Variants in LRRC8A observed in about 807,000 individuals in gnomAD.
The protein encoded by LRRC8A is volume-regulated anion channel subunit LRRC8A.
In LRRC8A, 24 loss-of-function variants were observed where a neutral mutation model predicts 52.5. That is an observed-to-expected ratio of 0.46 (90% CI 0.33 to 0.64). LRRC8A has a LOEUF of 0.64. Among genes scored for constraint, LRRC8A ranks in the 30% least tolerant of loss-of-function variants. The probability of loss-of-function intolerance (pLI) is 0.02; values close to 1 mark genes in which losing one functional copy is unlikely to be tolerated. For missense variants in LRRC8A, 677 were observed against 1,094.7 expected, an observed-to-expected ratio of 0.62 and a Z score of 5.38; for synonymous variants, 492 against 494.2, an observed-to-expected ratio of 1.00 and a Z score of 0.06.
chr9:128,915,628 G>C (rs562729742), intron 3 of LRRC8A, among the ~76,000 whole-genome samples: 1 of 152,180 alleles, frequency 6.6e-6, no homozygotes, highest in African/African-American at 2.4e-5. Context: ...CCCGGCCTAG[G>C]GGGTGGATTT....
intron 1 of LRRC8A, among the ~76,000 whole-genome samples, chr9:128,883,648 C>T (rs927438749): frequency 5.9e-5 from 9 of 152,144 alleles, no homozygotes; most frequent in Admixed American, 2.0e-4. Flanking sequence ...GGGTCTGATG[C>T]CCTCTGCGTT....
chr9:128,916,628 G>T lies in LRRC8A; in HGVS notation c.*257G>T. 1 of 485,992 alleles carries T rather than the reference G, an allele frequency of 2.1e-6. No homozygotes were observed. The highest frequency in any genetic ancestry group is 3.7e-6 in the Non-Finnish European group (1 of 272,036). 30.1% of individuals were successfully genotyped at this position (485,992 alleles called of 1,614,324 possible). A position where few individuals can be genotyped will look rare whatever the true frequency, so the allele number is the denominator to read the frequency against. On this transcript the variant is annotated 3_prime_UTR_variant, in exon 4 of 4. Coordinates refer to ENST00000372600, the MANE Select transcript of LRRC8A (RefSeq NM_019594.4). The surrounding 1 kb of genome is among the most constrained non-coding windows in gnomAD (Gnocchi z 6.1). Reference sequence around the variant, plus strand: ...GCAAGTCTCAAGAGCGCAGTATTTGGATAATCAGGGTCTCCTCCCTGGAGG... The same window carrying T: ...GCAAGTCTCAAGAGCGCAGTATTTGTATAATCAGGGTCTCCTCCCTGGAGG...
chr9:128,889,560 A>G (rs538842694), intron 2 of LRRC8A, among the ~76,000 whole-genome samples: 9 of 151,952 alleles, frequency 5.9e-5, no homozygotes, highest in East Asian at 5.8e-4. Context: ...CAGTGGCACA[A>G]TCTTGCTCAC....
At position 128,911,675 on chromosome 9, in the gene LRRC8A, C is replaced by T. The variant is rs1840539447; in HGVS notation, c.2157+2354C>T. 6.6e-6 allele frequency among the ~76,000 whole-genome samples: 1 copy of T among 152,054 alleles called. No individual in the cohort carries two copies. The highest frequency in any genetic ancestry group is 6.6e-5 in the Admixed American group (1 of 15,266). The stretch of plus-strand genomic sequence containing the variant: ...CCCCAGCTCCTCCCGCCAAGCTTGC[C>T]TGTTAGTGTCATGCCTGCTGGCTGA... On this transcript the variant is annotated intron_variant, in intron 3 of 3. Transcript: ENST00000372600. The surrounding 1 kb of genome is among the most constrained non-coding windows in gnomAD (Gnocchi z 4.9).
At position 128,917,287 on chromosome 9, in the gene LRRC8A, T is replaced by C. The variant is rs529100877; in HGVS notation, c.*916T>C. ...TTGGTCCAGGAGTTCTATTTGTTCC[T>C]GGGGAGGGAGGTTTTTTTGTTTGTT... is the stretch of plus-strand genomic sequence containing the variant. On this transcript the variant is annotated 3_prime_UTR_variant, in exon 4 of 4. Transcript: ENST00000372600. 3.3e-5 allele frequency: 5 copies of C among 152,598 alleles called. No homozygotes were observed. Among genetic ancestry groups the C allele is most frequent in the Admixed American group, 3.3e-4 (5 of 15,284 alleles). 9.5% of individuals were successfully genotyped at this position (152,598 alleles called of 1,614,324 possible). A position where few individuals can be genotyped will look rare whatever the true frequency, so the allele number is the denominator to read the frequency against.
At chr9:128,885,872 A>C (rs922625503) in intron 1 of LRRC8A, 143 bp from the exon 2 acceptor site, 1 of 152,174 alleles carries the variant, frequency 6.6e-6, no homozygotes, top group Admixed American at 6.5e-5. Context: ...TTGCACCACT[A>C]TACAAAAAAA....
At chr9:128,884,393 A>G (rs1839305309) in intron 1 of LRRC8A, among the ~76,000 whole-genome samples, 1 of 151,716 alleles carries the variant, frequency 6.6e-6, no homozygotes, top group Non-Finnish European at 1.5e-5. Flanking sequence ...CCATGCCTTG[A>G]CTCATTCATT....
At chr9:128,906,894 C>T (rs947745142) in intron 2 of LRRC8A, among the ~76,000 whole-genome samples, 2 of 152,228 alleles carry the variant, frequency 1.3e-5, no homozygotes, top group Non-Finnish European at 2.9e-5. Flanking sequence ...TGTCTAATCT[C>T]ACTGTGCTCA....
intron 2 of LRRC8A, among the ~76,000 whole-genome samples, chr9:128,888,224 A>T (rs770692165): frequency 2.4e-4 from 36 of 152,128 alleles, no homozygotes; most frequent in Admixed American, 6.5e-4. Context: ...CCTGAGCTGT[A>T]GTCTTTCATG....
chr9:128,898,260 G>A (rs973959223), intron 2 of LRRC8A, among the ~76,000 whole-genome samples: 2 of 151,932 alleles, frequency 1.3e-5, no homozygotes, highest in African/African-American at 2.4e-5. Flanking sequence ...TTGCTCTGTC[G>A]CCCAGGCTGG....
At chr9:128,913,692 G>A (rs990304220) in intron 3 of LRRC8A, among the ~76,000 whole-genome samples, 18 of 152,178 alleles carry the variant, frequency 1.2e-4, no homozygotes, top group African/African-American at 4.3e-4. Context: ...CTTTCCCACT[G>A]TCCCTGACCA....
Position 128,892,671 on chromosome 9 carries a change from G to A in LRRC8A, c.-9+6550G>A, listed in dbSNP as rs1389456313. Among the ~76,000 whole-genome samples the A allele has an allele frequency of 6.6e-6, 1 of 152,216 alleles. No homozygotes were observed. Among genetic ancestry groups the A allele is most frequent in the African/African-American group, 2.4e-5 (1 of 41,456 alleles). On this transcript the variant is annotated intron_variant, in intron 2 of 3. Coordinates refer to ENST00000372600, the MANE Select transcript of LRRC8A (RefSeq NM_019594.4). This position sits in a 1 kb window ranked among gnomAD's most constrained non-coding sequence, Gnocchi z 5.2. ...GAGGCTGTGTGTGCCAGACGAGGCT[G>A]AGACCTCTCCTCCCACTCTGGCTCT...
chr9:128,894,910 A>G (rs1451752908), intron 2 of LRRC8A, among the ~76,000 whole-genome samples: 2 of 152,134 alleles, frequency 1.3e-5, no homozygotes, highest in East Asian at 3.8e-4. Flanking sequence ...GGTATTAAGT[A>G]CATTCATATT....
At chr9:128,906,056 C>T (rs1311042749) in intron 2 of LRRC8A, among the ~76,000 whole-genome samples, 1 of 152,226 alleles carries the variant, frequency 6.6e-6, no homozygotes, top group Non-Finnish European at 1.5e-5. Context: ...CCCTAGGAGC[C>T]TGTCATTAAG....
At chr9:128,914,717 C>T (rs1318421727) in intron 3 of LRRC8A, among the ~76,000 whole-genome samples, 2 of 152,366 alleles carry the variant, frequency 1.3e-5, no homozygotes, top group African/African-American at 2.4e-5. Context: ...GCTCCTGGCT[C>T]CTGCCCTCCT....
chr9:128,908,603 C>T lies in LRRC8A; in HGVS notation c.1439C>T (p.Ala480Val), dbSNP rs745791453. Residue 480 changes from alanine (A) to valine (V), a missense_variant, in exon 3 of 4, where the codon GCG (alanine) becomes GTG (valine). Coordinates refer to ENST00000372600, the MANE Select transcript of LRRC8A (RefSeq NM_019594.4). ...GLKELWLYHT[A>V]AKIEAPALAF... is the part of the protein sequence containing the mutation. ...AAGGAGCTGTGGCTCTACCACACAG[C>T]GGCCAAGATTGAAGCGCCCGCGCTG... 8.1e-6 allele frequency: 13 copies of T among 1,612,480 alleles called. No homozygotes were observed. Among genetic ancestry groups the T allele is most frequent in the South Asian group, 3.3e-5 (3 of 91,050 alleles).
rs773203371 is a variant in LRRC8A at position 128,909,271 on chromosome 9, G to A, written c.2107G>A (p.Asp703Asn). Reference sequence around the variant, plus strand: ...CAACAACCTGACCTTCCTCCCTGCCGACATCGGCCTCCTGCAGAACCTCCA... The same window carrying A: ...CAACAACCTGACCTTCCTCCCTGCCAACATCGGCCTCCTGCAGAACCTCCA... ...SHNNLTFLPADIGLLQNLQNL... is the reference protein window; with the variant it reads ...SHNNLTFLPANIGLLQNLQNL... The change falls in exon 3 of 4, where the codon GAC becomes AAC. Residue 703 changes from aspartate to asparagine, a missense_variant. Physicochemically the swap from Asp to Asn is conservative, Grantham distance 23. Transcript: ENST00000372600. The A allele has an allele frequency of 3.9e-5, 63 of 1,613,780 alleles. No individual in the cohort carries two copies. The highest frequency in any genetic ancestry group is 4.8e-5 in the Non-Finnish European group (57 of 1,180,038).
rs1840797528 is a variant in LRRC8A, at chr9:128,916,011, T to G, written c.2158-85T>G. The G allele has an allele frequency of 6.8e-7, 1 of 1,474,834 alleles. No homozygotes were observed. The highest frequency in any genetic ancestry group is 2.0e-5 in the Admixed American group (1 of 49,006). The allele number at this position is 1,474,834 out of a possible 1,614,324, so 91.4% of individuals were successfully genotyped here. On this transcript the variant is annotated intron_variant, in intron 3 of 3. Coordinates refer to ENST00000372600, the MANE Select transcript of LRRC8A (RefSeq NM_019594.4). This position sits in a 1 kb window ranked among gnomAD's most constrained non-coding sequence, Gnocchi z 6.1. ...CTGGGGATCAGAAAAGATGCTGAGA[T>G]CTTGGGGAGAGAGGGAAGGGAAGCC...
intron 2 of LRRC8A, among the ~76,000 whole-genome samples, chr9:128,904,819 C>T (rs1280399451): frequency 2.0e-5 from 3 of 151,714 alleles, no homozygotes; most frequent in South Asian, 2.1e-4. Flanking sequence ...ACGGTGAAAC[C>T]CCGTCTCTAC....
Sources: allele counts gnomAD v4.1 joint callset (sites outside exome capture counted in the v4.1 genomes callset), GRCh38; gene constraint gnomAD v4.1.1; non-coding constraint Gnocchi (gnomAD v3.1); transcripts MANE v1.5; gene names NCBI Gene and HGNC (gene_info 2026-07-23, HGNC 2026-07-21).